GSTM4: variants seen among roughly 807,000 people sequenced by gnomAD.
GSTM4 encodes the protein glutathione S-transferase mu 4, also known as GST class-mu 4.
A neutral mutation model predicts 30.1 loss-of-function variants in GSTM4; 27 were observed. That is an observed-to-expected ratio of 0.90 (90% CI 0.66 to 1.24). GSTM4 has a LOEUF of 1.24. GSTM4 is among the 50% of genes most tolerant of loss of function. The pLI is 0.00. For synonymous variants in GSTM4, 94 were observed against 96.2 expected, an observed-to-expected ratio of 0.98 and a Z score of 0.13; for missense variants, 238 against 272.1, an observed-to-expected ratio of 0.87 and a Z score of 0.88.
At chr1:109,662,848 A>G (rs1233543390), downstream of GSTM4, among the ~76,000 whole-genome samples, 4 of 152,222 alleles carry the variant, frequency 2.6e-5, no homozygotes, top group Admixed American at 1.3e-4. Flanking sequence ...ACATCTACCC[A>G]GGACCCAGAA....
chr1:109,663,842 T>C (rs1224748775), downstream of GSTM4, among the ~76,000 whole-genome samples: 1 of 152,242 alleles, frequency 6.6e-6, no homozygotes, highest in Non-Finnish European at 1.5e-5. Flanking sequence ...TTCGCTGATG[T>C]AACAGGTGTT....
chr1:109,661,186 T>C lies in GSTM4; in HGVS notation c.589T>C (p.Tyr197His). 10 of 1,612,282 alleles carry C rather than the reference T, an allele frequency of 6.2e-6. No individual in the cohort carries two copies. Among genetic ancestry groups the C allele is most frequent in the Non-Finnish European group, 8.5e-6 (10 of 1,179,666 alleles). ...RFEGLEKISA[Y>H]MKSSRFLPKP... ...TCAGGGCTTGGAGAAGATCTCTGCCTACATGAAGTCCAGCCGCTTCCTCCC... is the reference window on the plus strand; with the variant it reads ...TCAGGGCTTGGAGAAGATCTCTGCCCACATGAAGTCCAGCCGCTTCCTCCC... Residue 197 changes from tyrosine to histidine, a missense_variant, in exon 8 of 8, where the codon TAC (tyrosine) becomes CAC (histidine). Transcript: ENST00000369836.
At position 109,661,473 on chromosome 1, in the gene GSTM4, T is replaced by A. The variant is rs1652317641; in HGVS notation, c.*219T>A. ...AGCCTCAGCTACCCACTTTCCTTCA[T>A]GAACATCCCCCTCCCAACACTACCC... On this transcript the variant is annotated 3_prime_UTR_variant, in exon 8 of 8. Coordinates refer to ENST00000369836, the MANE Select transcript of GSTM4 (RefSeq NM_000850.5). 7.1e-7 allele frequency: 1 copy of A among 1,408,094 alleles called. No individual in the cohort carries two copies. The highest frequency in any genetic ancestry group is 9.3e-7 in the Non-Finnish European group (1 of 1,076,520). 87.2% of individuals were successfully genotyped at this position (1,408,094 alleles called of 1,614,324 possible). A position where few individuals can be genotyped will look rare whatever the true frequency, so the allele number is the denominator to read the frequency against.
chr1:109,665,015 C>T (rs1647272620), downstream of GSTM4: 1 of 1,606,298 alleles, frequency 6.2e-7, no homozygotes, highest in Non-Finnish European at 8.5e-7. Context: ...TTCTAGGTTT[C>T]CTGTGGCATA....
intron 7 of GSTM4, chr1:109,659,595 A>C (rs1652209597): frequency 7.6e-6 from 3 of 392,790 alleles, no homozygotes; most frequent in African/African-American, 2.1e-5. Flanking sequence ...CGAAACCCAC[A>C]GGCAGTATTC....
Position 109,656,166 on chromosome 1 carries a change from T to TA in GSTM4, c.-224_-223insA. 1.8e-6 allele frequency: 1 copy of TA among 550,962 alleles called. No individual in the cohort carries two copies. Among genetic ancestry groups the TA allele is most frequent in the Non-Finnish European group, 3.4e-6 (1 of 296,670 alleles). 34.1% of individuals were successfully genotyped at this position (550,962 alleles called of 1,614,324 possible). On this transcript the variant is annotated 5_prime_UTR_variant, in exon 1 of 8. Transcript: ENST00000369836. ...GGTGGATCTTACTCCTTCCAGCCAGTGAGGATCCAGCAACCTGCTCCGTGC... is the reference window on the plus strand; with the variant it reads ...GGTGGATCTTACTCCTTCCAGCCAGTAGAGGATCCAGCAACCTGCTCCGTGC...
At chr1:109,666,292 G>C (rs993184459), downstream of GSTM4, among the ~76,000 whole-genome samples, 3 of 152,172 alleles carry the variant, frequency 2.0e-5, no homozygotes, top group Admixed American at 6.5e-5. Flanking sequence ...GTTTCACCAT[G>C]CTTCCCAGGC....
At chr1:109,664,005 A>G (rs1652385954), downstream of GSTM4, among the ~76,000 whole-genome samples, 1 of 152,210 alleles carries the variant, frequency 6.6e-6, no homozygotes, top group African/African-American at 2.4e-5. Context: ...TGATGGGCAC[A>G]TACACTCTTA....
At position 109,661,271 on chromosome 1, in the gene GSTM4, A is replaced by T; in HGVS notation, c.*17A>T. The T allele has an allele frequency of 1.2e-6, 2 of 1,612,538 alleles. No individual in the cohort carries two copies. Among genetic ancestry groups the T allele is most frequent in the South Asian group, 2.2e-5 (2 of 91,082 alleles). On this transcript the variant is annotated 3_prime_UTR_variant, in exon 8 of 8. Transcript: ENST00000369836. Reference sequence around the variant, plus strand: ...AACAAGTAATGCCTTGAAGGCCAGGAGGTGGGAGTGAGGAGCCCATACTCA... The same window carrying T: ...AACAAGTAATGCCTTGAAGGCCAGGTGGTGGGAGTGAGGAGCCCATACTCA...
rs376925110 is a variant in GSTM4 at position 109,657,604 on chromosome 1, T to A, written c.192T>A (p.Ile64=). ...GLDFPNLPYL[I]DGAHKITQSN... ...CATCTATCCAGCTGCCCTACTTGAT[T>A]GATGGGGCTCACAAGATCACCCAGA... Residue 64 remains isoleucine, a synonymous_variant, in exon 4 of 8, where the codon ATT becomes ATA. Coordinates refer to ENST00000369836, the MANE Select transcript of GSTM4 (RefSeq NM_000850.5). 1.6e-5 allele frequency: 26 copies of A among 1,614,186 alleles called. No homozygotes were observed. In the East Asian group the frequency reaches 5.1e-4, roughly 32 times the overall value.
chr1:109,665,061 G>A, downstream of GSTM4: 1 of 1,272,674 alleles, frequency 7.9e-7, no homozygotes, highest in Non-Finnish European at 1.2e-6. Flanking sequence ...ACTTGACTGG[G>A]CTAAGGGATG....
At chr1:109,667,559 T>C (rs1647371398), downstream of GSTM4, among the ~76,000 whole-genome samples, 1 of 152,164 alleles carries the variant, frequency 6.6e-6, no homozygotes, top group Non-Finnish European at 1.5e-5. Flanking sequence ...GACGTTTGGA[T>C]TTAGGCTGAT....
chr1:109,663,983 G>T (rs148145960), downstream of GSTM4, among the ~76,000 whole-genome samples: 2 of 152,098 alleles, frequency 1.3e-5, no homozygotes, highest in Non-Finnish European at 2.9e-5. Context: ...TACTTCTTTG[G>T]ATAGGTGAGA....
intron 4 of GSTM4, 33 bp from the exon 5 acceptor site, chr1:109,657,739 G>A (rs750920323): frequency 2.0e-5 from 32 of 1,614,060 alleles, no homozygotes; most frequent in Non-Finnish European, 2.6e-5. Context: ...GGGGTGCTAT[G>A]CTCAGAGTGA....
At chr1:109,658,465 T>A in intron 5 of GSTM4, 1 of 283,750 alleles carries the variant, frequency 3.5e-6, no homozygotes, top group Non-Finnish European at 6.6e-6. Flanking sequence ...AACTTCTTTC[T>A]CTGAGCTCCT....
intron 7 of GSTM4, 189 bp downstream of exon 7, chr1:109,659,299 G>A (rs1428328967): frequency 1.3e-6 from 2 of 1,569,844 alleles, no homozygotes. Flanking sequence ...CCTACAGGGT[G>A]ACAGAATTAT....
chr1:109,658,297 G>A (rs978767824), intron 5 of GSTM4: 2 of 229,556 alleles, frequency 8.7e-6, no homozygotes, highest in Non-Finnish European at 1.7e-5. Context: ...TCCTTGACAC[G>A]CACAGGGATG....
At chr1:109,657,365 A>G in intron 3 of GSTM4, 86 bp downstream of exon 3, 2 of 1,566,636 alleles carry the variant, frequency 1.3e-6, no homozygotes, top group Non-Finnish European at 1.8e-6. Context: ...AGGTGTTCGG[A>G]TCAGGAGTCT....
Position 109,657,845 on chromosome 1 carries a change from G to A in GSTM4, c.333G>A (p.Leu111=). 1 of 1,614,156 alleles carries A rather than the reference G, an allele frequency of 6.2e-7. No individual in the cohort carries two copies. Among genetic ancestry groups the A allele is most frequent in the African/African-American group, 1.3e-5 (1 of 75,008 alleles). The change falls in exon 5 of 8, where the codon CTG becomes CTA. Residue 111 remains leucine (L), a synonymous_variant. Coordinates refer to ENST00000369836, the MANE Select transcript of GSTM4 (RefSeq NM_000850.5). Reference sequence around the variant, plus strand: ...AGGCTATGGACGTCTCCAATCAGCTGGCCAGAGTCTGCTACAGCCCTGACT... The same window carrying A: ...AGGCTATGGACGTCTCCAATCAGCTAGCCAGAGTCTGCTACAGCCCTGACT... ...ENQAMDVSNQ[L]ARVCYSPDFE...
Sources: gnomAD v4.1 joint callset for allele counts (sites outside exome capture counted in the v4.1 genomes callset) on GRCh38, gnomAD v4.1.1 for gene constraint, MANE v1.5 for transcripts, NCBI Gene and HGNC (gene_info 2026-07-23, HGNC 2026-07-21) for gene names.